The following ERICH6B variants were observed in gnomAD, a reference collection of about 807,000 sequenced individuals.
ERICH6B encodes the protein glutamate rich 6B, also known as glutamate-rich protein 6B.
ERICH6B carries 69 observed loss-of-function variants against 80.0 expected under a neutral mutation model. The observed-to-expected ratio is 0.86, with a 90% CI of 0.71 to 1.05. ERICH6B has a LOEUF of 1.05. Ranked by LOEUF, ERICH6B falls within the 50% of genes least tolerant of loss-of-function variation. ERICH6B has a pLI of 0.00. For synonymous variants in ERICH6B, 283 were observed against 291.9 expected, an observed-to-expected ratio of 0.97 and a Z score of 0.31; for missense variants, 754 against 796.1, an observed-to-expected ratio of 0.95 and a Z score of 0.64.
rs564483623 is a variant in ERICH6B at position 45,552,150 on chromosome 13, C to G, written c.1408-1834G>C. 2.1e-3 allele frequency among the ~76,000 whole-genome samples: 321 copies of G among 152,254 alleles called. 1 individual carries two copies. The highest frequency in any genetic ancestry group is 6.8e-3 in the Middle Eastern group (2 of 294). On this transcript the variant is annotated intron_variant, in intron 11 of 14. Transcript: ENST00000298738. ...TAAAGGACTTTTGGTTATGTTATTA[C>G]TATTCTTGATTAAAATGCACTGGGG...
chr13:45,597,946 C>T (rs1876471796), intron 2 of ERICH6B, among the ~76,000 whole-genome samples: 1 of 152,122 alleles, frequency 6.6e-6, no homozygotes, highest in African/African-American at 2.4e-5. Flanking sequence ...TTTCCTGAGA[C>T]CCCTGCCACT....
intron 5 of ERICH6B, among the ~76,000 whole-genome samples, chr13:45,581,534 A>G (rs1421924631): frequency 6.6e-6 from 1 of 152,074 alleles, no homozygotes; most frequent in African/African-American, 2.4e-5. Flanking sequence ...GTGCCACCAC[A>G]CCTGGCTACT....
chr13:45,561,673 G>T, intron 10 of ERICH6B, 147 bp from the exon 11 acceptor site: 1 of 817,344 alleles, frequency 1.2e-6, no homozygotes, highest in Non-Finnish European at 1.9e-6. Context: ...CTGTCGGGTA[G>T]TGGGAAGATT....
chr13:45,596,969 G>A lies in ERICH6B; in HGVS notation c.37C>T (p.Pro13Ser), dbSNP rs77819928. 1 of 1,551,102 alleles carries A rather than the reference G, an allele frequency of 6.4e-7. No homozygotes were observed. The highest frequency in any genetic ancestry group is 1.2e-5 in the South Asian group (1 of 83,950). Reference sequence around the variant, plus strand: ...TGGGGAGTTGTGGGAGGGTGAGGAGGTGATGCTCCTGATAACTGATTATTT... The same window carrying A: ...TGGGGAGTTGTGGGAGGGTGAGGAGATGATGCTCCTGATAACTGATTATTT... ...AENNQLSGAS[P>S]PHPPTTPQYS... The change falls in exon 3 of 15, where the codon CCT (proline) becomes TCT (serine). Residue 13 changes from proline to serine, a missense_variant. Pro to Ser is a moderately conservative substitution (Grantham distance 74). Coordinates refer to ENST00000298738, the MANE Select transcript of ERICH6B (RefSeq NM_182542.3).
chr13:45,567,939 T>C (rs1015774613), intron 9 of ERICH6B, among the ~76,000 whole-genome samples: 1 of 152,246 alleles, frequency 6.6e-6, no homozygotes, highest in Non-Finnish European at 1.5e-5. Context: ...TTCCCCAGTG[T>C]CTTCTCCTTA....
chr13:45,549,775 C>T (rs1874138038), intron 13 of ERICH6B, 118 bp downstream of exon 13: 1 of 1,171,758 alleles, frequency 8.5e-7, no homozygotes, highest in Non-Finnish European at 1.2e-6. Flanking sequence ...GCTCATTCTC[C>T]CATTTCCAAC....
chr13:45,570,818 A>ATT lies in ERICH6B; in HGVS notation c.1051-2368_1051-2367insAA, dbSNP rs1408117429. On this transcript the variant is annotated intron_variant, in intron 8 of 14. Coordinates refer to ENST00000298738, the MANE Select transcript of ERICH6B (RefSeq NM_182542.3). ...ATTGCAGCTGCAGGTTCCATATGGC[A>ATT]CTCACTCCATTGCAGCTGCAGGTGC... 6.5e-4 allele frequency among the ~76,000 whole-genome samples: 98 copies of ATT among 151,164 alleles called. 4 individuals are homozygous for ATT. The highest frequency in any genetic ancestry group is 3.4e-3 in the Middle Eastern group (1 of 292).
Position 45,544,939 on chromosome 13 carries a change from G to A in ERICH6B, c.1693C>T (p.Arg565Cys), listed in dbSNP as rs7327901. Residue 565 changes from arginine to cysteine, a missense_variant, in exon 14 of 15, where the codon CGC becomes TGC. By Grantham distance (180) the Arg-to-Cys change is radical. Transcript: ENST00000298738. Reference protein sequence around the residue: ...NLGYYFPKDKRQKAWNWWNLN... With the variant: ...NLGYYFPKDKCQKAWNWWNLN... ...TTCCACCAGTTCCAGGCCTTCTGGC[G>A]TTTGTCTTTGGGGAAGTAGTAGCCC... is the stretch of plus-strand genomic sequence containing the variant. 5.7e-4 allele frequency: 879 copies of A among 1,551,548 alleles called. 3 individuals carry two copies. The African/African-American group carries it at 8.5e-3, about 15-fold the overall frequency.
chr13:45,607,383 G>A (rs921412737), intron 2 of ERICH6B, among the ~76,000 whole-genome samples, 181 bp downstream of exon 2: 1 of 152,218 alleles, frequency 6.6e-6, no homozygotes, highest in Non-Finnish European at 1.5e-5. Flanking sequence ...GCAATGCATT[G>A]AAAATGCTGT....
rs753090915 is a variant in ERICH6B, at chr13:45,541,548, CA to C, written c.2004del (p.Asp669IlefsTer6). On this transcript the variant is annotated frameshift_variant, in exon 15 of 15. Transcript: ENST00000298738. LOFTEE classifies it low-confidence loss of function (END_TRUNC). ...ACGGCCTCTATGAAGTTTTCCAGAT[CA>C]GGGGTGGTCGCGTAATTCAGGAGCC... ...MNRLLNYATT[P>X]DLENFIEAVS... 11 of 1,551,992 alleles carry C rather than the reference CA, an allele frequency of 7.1e-6. No individual in the cohort carries two copies. The highest frequency in any genetic ancestry group is 1.4e-5 in the African/African-American group (1 of 73,016).
intron 14 of ERICH6B, 51 bp from the exon 15 acceptor site, chr13:45,541,731 G>T: frequency 1.3e-6 from 2 of 1,516,124 alleles, no homozygotes; most frequent in Non-Finnish European, 1.8e-6. Context: ...CCTGAGCACG[G>T]TGCCCCAGAC....
intron 3 of ERICH6B, among the ~76,000 whole-genome samples, chr13:45,592,928 A>C (rs951622073): frequency 1.3e-5 from 2 of 152,194 alleles, no homozygotes; most frequent in Admixed American, 1.3e-4. Flanking sequence ...GTTTTTGCAC[A>C]TGGGGAAACT....
At chr13:45,578,470 T>C (rs1469163486) in intron 7 of ERICH6B, among the ~76,000 whole-genome samples, 1 of 152,264 alleles carries the variant, frequency 6.6e-6, no homozygotes, top group Non-Finnish European at 1.5e-5. Flanking sequence ...GATAATTTTT[T>C]CTTTAACAAT....
At chr13:45,600,651 G>A (rs962387323) in intron 2 of ERICH6B, among the ~76,000 whole-genome samples, 2 of 152,164 alleles carry the variant, frequency 1.3e-5, no homozygotes, top group East Asian at 3.8e-4. Flanking sequence ...ATGGTCTCCA[G>A]TTCCATTCAT....
At chr13:45,581,469 C>T (rs1875665141) in intron 5 of ERICH6B, among the ~76,000 whole-genome samples, 1 of 152,152 alleles carries the variant, frequency 6.6e-6, no homozygotes, top group Admixed American at 6.5e-5. Flanking sequence ...CTCCGCCTCC[C>T]AGGTTCAAGT....
chr13:45,570,606 G>A (rs1875113346), intron 8 of ERICH6B, among the ~76,000 whole-genome samples: 1 of 152,220 alleles, frequency 6.6e-6, no homozygotes, highest in Non-Finnish European at 1.5e-5. Flanking sequence ...TGCCTCAGAA[G>A]TTTACTTAAA....
chr13:45,607,126 T>C (rs898252757), intron 2 of ERICH6B, among the ~76,000 whole-genome samples: 2 of 152,290 alleles, frequency 1.3e-5, no homozygotes, highest in Admixed American at 6.5e-5. Context: ...TTACAATAAG[T>C]GGGATAAAGA....
chr13:45,549,055 G>A (rs761476825), intron 13 of ERICH6B, among the ~76,000 whole-genome samples: 8 of 152,054 alleles, frequency 5.3e-5, no homozygotes, highest in African/African-American at 1.4e-4. Flanking sequence ...TGGCTGAGGC[G>A]GATGGATCAC....
intron 2 of ERICH6B, among the ~76,000 whole-genome samples, chr13:45,603,536 C>T (rs1009124095): frequency 2.0e-5 from 3 of 152,148 alleles, no homozygotes; most frequent in Non-Finnish European, 4.4e-5. Flanking sequence ...CCTGCTGGTC[C>T]TAGACCTGCT....
Sources: gnomAD v4.1 joint callset for allele counts (sites outside exome capture counted in the v4.1 genomes callset) on GRCh38, gnomAD v4.1.1 for gene constraint, MANE v1.5 for transcripts, NCBI Gene and HGNC (gene_info 2026-07-23, HGNC 2026-07-21) for gene names.